Variants in KCNQ5 observed in about 807,000 individuals in gnomAD.
KCNQ5 encodes potassium voltage-gated channel subfamily KQT member 5.
KCNQ5 carries 30 observed loss-of-function variants against 98.2 expected under a neutral mutation model. The ratio of observed to expected loss-of-function variants is 0.31; its 90% CI spans 0.23 to 0.41. KCNQ5 has a LOEUF of 0.41. Ranked by LOEUF, KCNQ5 falls within the 10% of genes least tolerant of loss-of-function variation. KCNQ5 has a pLI of 1.00. For synonymous variants in KCNQ5, 458 were observed against 449.4 expected (o/e 1.02, Z -0.24); for missense variants, 835 against 1,182.5 (o/e 0.71, Z 4.31).
At chr6:72,998,288 T>C (rs1016250237) in intron 1 of KCNQ5, among the ~76,000 whole-genome samples, 43 of 152,208 alleles carry the variant, frequency 2.8e-4, no homozygotes, top group Non-Finnish European at 5.4e-4. Context: ...CTGAAGATCA[T>C]ACTTCATCAA....
At chr6:72,876,760 A>G (rs895268242) in intron 1 of KCNQ5, among the ~76,000 whole-genome samples, 2 of 152,228 alleles carry the variant, frequency 1.3e-5, no homozygotes, top group Non-Finnish European at 2.9e-5. Flanking sequence ...AAAATTGTTT[A>G]TCACAGAAGC....
In KCNQ5 at chr6:72,962,217, A is replaced by T. The variant is rs921018086; in HGVS notation, c.399-41691A>T. Among the ~76,000 whole-genome samples the T allele has an allele frequency of 4.3e-5, 6 of 140,388 alleles. No homozygotes were observed. The East Asian group carries it at 1.2e-3, about 28-fold the overall frequency. 92.1% of individuals were successfully genotyped at this position (140,388 alleles called of 152,430 possible). Reference sequence around the variant, plus strand: ...TATATATATACATATATATATATATACACACATATATATATATATACACAT... The same window carrying T: ...TATATATATACATATATATATATATTCACACATATATATATATATACACAT... On this transcript the variant is annotated intron_variant, in intron 1 of 13. Coordinates refer to ENST00000370398, the MANE Select transcript of KCNQ5 (RefSeq NM_019842.4).
intron 1 of KCNQ5, among the ~76,000 whole-genome samples, chr6:72,856,216 C>T (rs1777525360): frequency 6.6e-6 from 1 of 152,114 alleles, no homozygotes; most frequent in Non-Finnish European, 1.5e-5. Flanking sequence ...TTACAGCCTA[C>T]CTGGCATGTA....
chr6:72,755,740 T>C (rs1771932071), intron 1 of KCNQ5, among the ~76,000 whole-genome samples: 1 of 152,256 alleles, frequency 6.6e-6, no homozygotes, highest in South Asian at 2.1e-4. Context: ...TTAAAGGTGA[T>C]TAAAAATAAT....
chr6:72,936,587 T>G (rs1765926070), intron 1 of KCNQ5, among the ~76,000 whole-genome samples: 1 of 152,236 alleles, frequency 6.6e-6, no homozygotes, highest in Non-Finnish European at 1.5e-5. Context: ...TGTATTAAAA[T>G]GCATCACATG....
intron 1 of KCNQ5, among the ~76,000 whole-genome samples, chr6:72,714,461 G>GAA (rs371071602): frequency 0.014 from 2,000 of 143,530 alleles, 33 homozygotes; most frequent in African/African-American, 0.044. Context: ...CCACTAAACT[G>GAA]AAAAAAAAAA....
At chr6:73,168,675 G>A (rs1777895721) in intron 10 of KCNQ5, among the ~76,000 whole-genome samples, 1 of 151,542 alleles carries the variant, frequency 6.6e-6, no homozygotes, top group African/African-American at 2.4e-5. Context: ...TCGCACCACT[G>A]CACTCCAGCC....
At chr6:72,927,537 A>G (rs1444576267) in intron 1 of KCNQ5, among the ~76,000 whole-genome samples, 1 of 152,066 alleles carries the variant, frequency 6.6e-6, no homozygotes, top group East Asian at 1.9e-4. Flanking sequence ...TTTTAAATAA[A>G]TTCAGTGTCT....
chr6:73,174,211 G>A (rs1307318323), intron 11 of KCNQ5, among the ~76,000 whole-genome samples: 2 of 151,876 alleles, frequency 1.3e-5, no homozygotes, highest in African/African-American at 4.8e-5. Flanking sequence ...AAGCAGCTCT[G>A]GTCCTCAGAT....
chr6:72,888,431 G>C (rs1778931731), intron 1 of KCNQ5, among the ~76,000 whole-genome samples: 1 of 152,184 alleles, frequency 6.6e-6, no homozygotes, highest in South Asian at 2.1e-4. Context: ...TAGCATACTA[G>C]TTTTATGCAC....
intron 1 of KCNQ5, among the ~76,000 whole-genome samples, chr6:72,959,771 T>C (rs549753476): frequency 6.3e-4 from 96 of 152,296 alleles, no homozygotes; most frequent in Non-Finnish European, 1.1e-3. Context: ...AAACTGTTGG[T>C]GAATGAAATT....
At chr6:72,660,995 A>T (rs991285597) in intron 1 of KCNQ5, among the ~76,000 whole-genome samples, 10 of 152,212 alleles carry the variant, frequency 6.6e-5, no homozygotes, top group Non-Finnish European at 1.0e-4. Flanking sequence ...CAAAATTTTT[A>T]AAATCATACT....
intron 7 of KCNQ5, among the ~76,000 whole-genome samples, chr6:73,117,071 C>T (rs777607606): frequency 1.3e-5 from 2 of 152,230 alleles, no homozygotes; most frequent in Non-Finnish European, 2.9e-5. Flanking sequence ...AGTTGGCTCT[C>T]ATTTTGCTTC....
chr6:72,836,979 G>A (rs1285389492), intron 1 of KCNQ5, among the ~76,000 whole-genome samples: 1 of 151,980 alleles, frequency 6.6e-6, no homozygotes, highest in Non-Finnish European at 1.5e-5. Context: ...TTAATATATT[G>A]TATTTCCTGC....
chr6:72,906,968 A>G (rs891663682), intron 1 of KCNQ5, among the ~76,000 whole-genome samples: 14 of 152,140 alleles, frequency 9.2e-5, no homozygotes, highest in African/African-American at 3.4e-4. Context: ...TATGTTATTT[A>G]TTTACTAGTT....
At chr6:72,885,896 C>A (rs935762288) in intron 1 of KCNQ5, among the ~76,000 whole-genome samples, 2 of 152,178 alleles carry the variant, frequency 1.3e-5, no homozygotes, top group Non-Finnish European at 2.9e-5. Context: ...TCTATTTCAA[C>A]CTTGGATCTC....
At position 73,023,699 on chromosome 6, in the gene KCNQ5, T is replaced by C. The variant is rs912812560; in HGVS notation, c.490-18237T>C. The stretch of plus-strand genomic sequence containing the variant: ...TTTTCAATGCTAGCATTTAACTTGT[T>C]AGAGTATTAGCTTACAGCAGTCTTC... On this transcript the variant is annotated intron_variant, in intron 2 of 13. Transcript: ENST00000370398. 2.6e-5 allele frequency among the ~76,000 whole-genome samples: 4 copies of C among 152,180 alleles called. No homozygotes were observed. In the East Asian group the frequency reaches 5.8e-4, roughly 22 times the overall value.
At chr6:72,836,594 AC>A (rs1277977707) in intron 1 of KCNQ5, among the ~76,000 whole-genome samples, 3 of 151,256 alleles carry the variant, frequency 2.0e-5, no homozygotes, top group African/African-American at 7.3e-5. Context: ...GTGCGCCACC[AC>A]ACTCTGCTAA....
Position 72,895,120 on chromosome 6 carries a change from A to G in KCNQ5, c.399-108788A>G, listed in dbSNP as rs1460996802. Reference sequence around the variant, plus strand: ...GGTGAAACCCCATCTCTACTAAAAAAAAAAAAAAAAAAAAAAAAATTAGCT... The same window carrying G: ...GGTGAAACCCCATCTCTACTAAAAAGAAAAAAAAAAAAAAAAAAATTAGCT... On this transcript the variant is annotated intron_variant, in intron 1 of 13. Coordinates refer to ENST00000370398, the MANE Select transcript of KCNQ5 (RefSeq NM_019842.4). Among the ~76,000 whole-genome samples, 584 of 148,690 alleles carry G rather than the reference A, an allele frequency of 3.9e-3. 8 individuals carry two copies. The highest frequency in any genetic ancestry group is 0.018 in the Admixed American group (277 of 14,998).
Sources: allele counts gnomAD v4.1 joint callset (sites outside exome capture counted in the v4.1 genomes callset), GRCh38; gene constraint gnomAD v4.1.1; transcripts MANE v1.5; gene names NCBI Gene and HGNC (gene_info 2026-07-23, HGNC 2026-07-21).